The following AK5 variants were observed in gnomAD, a reference collection of about 807,000 sequenced individuals.
AK5 encodes the protein adenylate kinase isoenzyme 5.
Under a neutral mutation model 69.5 loss-of-function variants are expected in AK5, and 27 were observed. The ratio of observed to expected loss-of-function variants is 0.39; its 90% confidence interval spans 0.29 to 0.54. AK5 has a LOEUF of 0.54. Ranked by LOEUF, AK5 falls within the 20% of genes least tolerant of loss-of-function variation. The pLI is 0.71. For missense variants in AK5, 531 were observed against 700.4 expected (o/e 0.76, Z 2.73); for synonymous variants, 260 against 244.4 (o/e 1.06, Z -0.60).
At chr1:77,354,532 G>C (rs1294508244) in intron 6 of AK5, among the ~76,000 whole-genome samples, 1 of 152,222 alleles carries the variant, frequency 6.6e-6, no homozygotes, top group African/African-American at 2.4e-5. Flanking sequence ...CCAGACTGTA[G>C]TGGGTGCTTT....
intron 10 of AK5, among the ~76,000 whole-genome samples, chr1:77,504,545 C>T (rs1409457067): frequency 6.6e-6 from 1 of 151,908 alleles, no homozygotes; most frequent in East Asian, 1.9e-4. Context: ...GATAGTATTC[C>T]TGAATATGCC....
chr1:77,322,920 G>A (rs1660608649), intron 5 of AK5, among the ~76,000 whole-genome samples: 1 of 151,814 alleles, frequency 6.6e-6, no homozygotes, highest in Non-Finnish European at 1.5e-5. Flanking sequence ...AATGCATTTA[G>A]TTTCACAGAG....
Position 77,297,655 on chromosome 1 carries a change from T to C in AK5, c.512T>C (p.Ile171Thr), listed in dbSNP as rs1250177218. Residue 171 changes from isoleucine to threonine, a missense_variant, in exon 4 of 14, where the codon ATC (isoleucine) becomes ACC (threonine). Physicochemically the swap from Ile to Thr is moderately conservative, Grantham distance 89 (BLOSUM62 -1). Transcript: ENST00000354567. ...ISVGELLRKK[I>T]HSTSSNRKWS... The stretch of plus-strand genomic sequence containing the variant: ...GTGGGAGAATTATTAAGAAAGAAGA[T>C]CCACAGTACCAGCAGCAATAGGAAA... The C allele has an allele frequency of 1.9e-6, 3 of 1,613,826 alleles. No homozygotes were observed. Among genetic ancestry groups the C allele is most frequent in the Non-Finnish European group, 1.7e-6 (2 of 1,179,920 alleles).
At chr1:77,425,464 G>C (rs1314245681) in intron 8 of AK5, among the ~76,000 whole-genome samples, 1 of 152,186 alleles carries the variant, frequency 6.6e-6, no homozygotes, top group Admixed American at 6.5e-5. Flanking sequence ...GCACACGCCT[G>C]TAGTCCCAGC....
At position 77,364,957 on chromosome 1, in the gene AK5, A is replaced by G. The variant is rs1356690386; in HGVS notation, c.891+24389A>G. On this transcript the variant is annotated intron_variant, in intron 6 of 13. Coordinates refer to ENST00000354567, the MANE Select transcript of AK5 (RefSeq NM_174858.3). ...TTGAGGAGCCTCCATACTGTTCTCC[A>G]TAGTGGCTGTACTAGTTTACATTCC... 2.0e-5 allele frequency among the ~76,000 whole-genome samples: 3 copies of G among 152,178 alleles called. No individual in the cohort carries two copies. The East Asian group carries it at 5.8e-4, about 29-fold the overall frequency.
intron 6 of AK5, among the ~76,000 whole-genome samples, chr1:77,389,335 G>A (rs367832916): frequency 2.6e-5 from 4 of 152,304 alleles, no homozygotes; most frequent in South Asian, 2.1e-4. Context: ...TGTCCCAAAC[G>A]CCAGGAAAGA....
intron 6 of AK5, among the ~76,000 whole-genome samples, chr1:77,344,881 T>C (rs1048285940): frequency 1.3e-5 from 2 of 152,038 alleles, no homozygotes; most frequent in Non-Finnish European, 1.5e-5. Context: ...GGAACCCTTT[T>C]CTAAGAAACA....
intron 8 of AK5, among the ~76,000 whole-genome samples, chr1:77,465,157 A>G (rs2100684088): frequency 6.6e-6 from 1 of 152,306 alleles, no homozygotes; most frequent in South Asian, 2.1e-4. Flanking sequence ...CCTGGGATAT[A>G]GTTTTCTCAT....
chr1:77,382,288 A>G (rs993359578), intron 6 of AK5, among the ~76,000 whole-genome samples: 5 of 146,932 alleles, frequency 3.4e-5, no homozygotes, highest in Non-Finnish European at 5.9e-5. Context: ...GCAAAACTGG[A>G]GCAAATGATA....
chr1:77,391,388 A>T (rs182933819), intron 6 of AK5, among the ~76,000 whole-genome samples: 2,715 of 143,170 alleles, frequency 0.019, 93 homozygotes, highest in African/African-American at 0.068. Flanking sequence ...TGCAAAAAAA[A>T]AAATATATAT....
intron 13 of AK5, among the ~76,000 whole-genome samples, chr1:77,556,504 A>G (rs1319397281): frequency 6.6e-6 from 1 of 152,216 alleles, no homozygotes; most frequent in Non-Finnish European, 1.5e-5. Flanking sequence ...GTATTCCATT[A>G]TATGACTATG....
At chr1:77,461,421 G>T (rs1006577489) in intron 8 of AK5, among the ~76,000 whole-genome samples, 3 of 151,902 alleles carry the variant, frequency 2.0e-5, no homozygotes, top group African/African-American at 7.3e-5. Flanking sequence ...GGGGAGGGGG[G>T]AATGGGGAGA....
intron 13 of AK5, among the ~76,000 whole-genome samples, chr1:77,556,462 T>C (rs1660108680): frequency 6.6e-6 from 1 of 152,248 alleles, no homozygotes; most frequent in African/African-American, 2.4e-5. Flanking sequence ...TTGTTGAAGA[T>C]AGCTGTGGTT....
In AK5 at chr1:77,283,157, G is replaced by C. The variant is rs77916259; in HGVS notation, c.60+784G>C. 5.8e-3 allele frequency: 5,707 copies of C among 985,714 alleles called. 264 individuals carry two copies. The African/African-American group carries it at 0.094, about 16-fold the overall frequency. 61.1% of individuals were successfully genotyped at this position (985,714 alleles called of 1,614,324 possible). ...ATGGGGGGACACTTGGAGACTGAGA[G>C]AGAGGAGGCTCGAGGAATGAACCTT... On this transcript the variant is annotated intron_variant, in intron 1 of 13. Transcript: ENST00000354567.
At chr1:77,478,181 G>A (rs1443166580) in intron 8 of AK5, among the ~76,000 whole-genome samples, 2 of 152,184 alleles carry the variant, frequency 1.3e-5, no homozygotes, top group African/African-American at 2.4e-5. Flanking sequence ...GTTGCAGTGA[G>A]GGTCCAGTGA....
At chr1:77,458,587 C>T (rs1411307954) in intron 8 of AK5, among the ~76,000 whole-genome samples, 3 of 152,182 alleles carry the variant, frequency 2.0e-5, no homozygotes, top group South Asian at 2.1e-4. Flanking sequence ...GAGCAAGTCA[C>T]GTCTTATGTG....
rs777885275 is a variant in AK5 at position 77,340,517 on chromosome 1, G to A, written c.840G>A (p.Gln280=). The change falls in exon 6 of 14, where the codon CAG becomes CAA. Residue 280 remains glutamine (Q), a synonymous_variant. Transcript: ENST00000354567. The stretch of plus-strand genomic sequence containing the variant: ...AAAGGAGACTAATGAACTTCAAGCA[G>A]AATGCTGCTCCATTGGTTAAATACT... ...ATQRRLMNFK[Q]NAAPLVKYFQ... 1 of 1,614,114 alleles carries A rather than the reference G, an allele frequency of 6.2e-7. No homozygotes were observed. Among genetic ancestry groups the A allele is most frequent in the Non-Finnish European group, 8.5e-7 (1 of 1,180,000 alleles).
intron 10 of AK5, among the ~76,000 whole-genome samples, chr1:77,493,320 C>T (rs1008244656): frequency 6.8e-6 from 1 of 146,068 alleles, no homozygotes; most frequent in Non-Finnish European, 1.5e-5. Flanking sequence ...TGCCCTTGGA[C>T]ACCAGCAGCC....
chr1:77,365,813 C>T (rs1168721775), intron 6 of AK5, among the ~76,000 whole-genome samples: 1 of 152,200 alleles, frequency 6.6e-6, no homozygotes, highest in Non-Finnish European at 1.5e-5. Flanking sequence ...GGGACCTCTG[C>T]TCTAGGTGAT....
Sources: allele counts gnomAD v4.1 joint callset (sites outside exome capture counted in the v4.1 genomes callset), GRCh38; gene constraint gnomAD v4.1.1; transcripts MANE v1.5; gene names NCBI Gene and HGNC (gene_info 2026-07-23, HGNC 2026-07-21).